Variants in SKIC3 observed in about 807,000 individuals in gnomAD.
SKIC3 encodes the protein SKI3 subunit of superkiller complex, also known as superkiller complex protein 3.
the SKIC3 span, chr5:95,513,568 T>C: frequency 6.2e-7 from 1 of 1,613,162 alleles, no homozygotes; most frequent in African/African-American, 1.3e-5. Flanking sequence ...TTCAGATTCT[T>C]ACATGCATAT....
the SKIC3 span, chr5:95,482,628 A>G: frequency 6.2e-7 from 1 of 1,613,940 alleles, no homozygotes; most frequent in Non-Finnish European, 8.5e-7. Context: ...TTACTTTTTA[A>G]ATTCTAGAAA....
chr5:95,496,925 G>A, the SKIC3 span, among the ~76,000 whole-genome samples: 2 of 152,128 alleles, frequency 1.3e-5, no homozygotes, highest in Non-Finnish European at 2.9e-5. Flanking sequence ...AAAATATCTG[G>A]ATGCTACAAA....
chr5:95,495,738 T>C, the SKIC3 span, among the ~76,000 whole-genome samples: 6 of 152,164 alleles, frequency 3.9e-5, no homozygotes, highest in African/African-American at 1.2e-4. Flanking sequence ...GCGTCCACAC[T>C]CTCTAAGAGG....
the SKIC3 span, among the ~76,000 whole-genome samples, chr5:95,492,126 A>G: frequency 6.6e-6 from 1 of 152,184 alleles, no homozygotes; most frequent in Non-Finnish European, 1.5e-5. Flanking sequence ...ATATTATGAA[A>G]CAATTTCTGC....
At chr5:95,480,446 G>A in the SKIC3 span, among the ~76,000 whole-genome samples, 4 of 152,074 alleles carry the variant, frequency 2.6e-5, no homozygotes, top group Admixed American at 6.6e-5. Context: ...ATAAGCATAC[G>A]AAAAGTTGTT....
chr5:95,492,829 GTA>G, the SKIC3 span, among the ~76,000 whole-genome samples: 1 of 151,872 alleles, frequency 6.6e-6, no homozygotes, highest in Non-Finnish European at 1.5e-5. Context: ...TTACAGTATT[GTA>G]TAGTTTGCAT....
the SKIC3 span, chr5:95,517,008 G>C: frequency 1.4e-5 from 23 of 1,613,504 alleles, no homozygotes; most frequent in South Asian, 2.5e-4. Flanking sequence ...TTAATTCCAA[G>C]GTCACACCAT....
At chr5:95,478,390 C>T in the SKIC3 span, 1 of 1,614,014 alleles carries the variant, frequency 6.2e-7, no homozygotes, top group Non-Finnish European at 8.5e-7. Context: ...CTTTCTGTAA[C>T]ACATCTCTGC....
At chr5:95,493,621 A>C in the SKIC3 span, among the ~76,000 whole-genome samples, 1 of 152,142 alleles carries the variant, frequency 6.6e-6, no homozygotes, top group African/African-American at 2.4e-5. Context: ...TACTTAGTTT[A>C]CAAAATAATC....
At chr5:95,543,202 G>T in the SKIC3 span, 1 of 1,613,880 alleles carries the variant, frequency 6.2e-7, no homozygotes, top group Non-Finnish European at 8.5e-7. Context: ...CTAGTAATTG[G>T]TCTGGCTCTA....
the SKIC3 span, among the ~76,000 whole-genome samples, chr5:95,528,413 G>A: frequency 2.0e-5 from 3 of 152,086 alleles, no homozygotes; most frequent in East Asian, 1.9e-4. Flanking sequence ...CCTAAAAAAC[G>A]ACAATGGCTA....
the SKIC3 span, among the ~76,000 whole-genome samples, chr5:95,512,304 A>G: frequency 6.6e-6 from 1 of 152,210 alleles, no homozygotes; most frequent in Admixed American, 6.5e-5. Context: ...TCTTTCTTCA[A>G]AAGCCTTTAT....
chr5:95,544,297 C>G, the SKIC3 span, among the ~76,000 whole-genome samples: 1 of 152,170 alleles, frequency 6.6e-6, no homozygotes, highest in Non-Finnish European at 1.5e-5. Flanking sequence ...TGCTGTAACC[C>G]TAAGACCAGT....
chr5:95,532,017 A>C, the SKIC3 span, among the ~76,000 whole-genome samples: 2 of 152,094 alleles, frequency 1.3e-5, no homozygotes, highest in African/African-American at 4.8e-5. Context: ...CCATCCTAAA[A>C]AAAAATAGCT....
At chr5:95,466,983 A>G in the SKIC3 span, among the ~76,000 whole-genome samples, 152,221 of 152,296 alleles carry the variant, frequency 1, 76,073 homozygotes, top group East Asian at 1. Flanking sequence ...TAGTTAAGTC[A>G]TTCCCTTCTG....
the SKIC3 span, among the ~76,000 whole-genome samples, chr5:95,475,478 C>G: frequency 1.3e-5 from 2 of 152,144 alleles, no homozygotes; most frequent in African/African-American, 4.8e-5. Context: ...TGCCTGCTTC[C>G]CCTTTGCCTT....
chr5:95,528,175 A>G, the SKIC3 span: 2 of 1,613,478 alleles, frequency 1.2e-6, no homozygotes, highest in Middle Eastern at 1.7e-4. Flanking sequence ...AGGGTATCCA[A>G]ATGAAGACAG....
At chr5:95,490,588 C>T in the SKIC3 span, among the ~76,000 whole-genome samples, 752 of 151,158 alleles carry the variant, frequency 5.0e-3, 5 homozygotes, top group African/African-American at 0.018. Context: ...AGCTCCGCCT[C>T]CTGGGTTCAC....
the SKIC3 span, among the ~76,000 whole-genome samples, chr5:95,477,770 A>G: frequency 6.6e-6 from 1 of 152,218 alleles, no homozygotes; most frequent in Non-Finnish European, 1.5e-5. Flanking sequence ...GAATTATATC[A>G]TACATCCTGC....
Sources: allele counts gnomAD v4.1 joint callset (sites outside exome capture counted in the v4.1 genomes callset), GRCh38; gene constraint gnomAD v4.1.1; transcripts MANE v1.5; gene names NCBI Gene and HGNC (gene_info 2026-07-23, HGNC 2026-07-21).